ULK4: variants seen among roughly 807,000 people sequenced by gnomAD.
The protein encoded by ULK4 is inactive serine/threonine-protein kinase ULK4.
Under a neutral mutation model 160.6 loss-of-function variants are expected in ULK4, and 133 were observed. The ratio of observed to expected loss-of-function variants is 0.83; its 90% CI spans 0.72 to 0.96. ULK4 has a LOEUF of 0.96. Among genes scored for constraint, ULK4 ranks in the 40% least tolerant of loss-of-function variants. ULK4 has a pLI of 0.00. For synonymous variants in ULK4, 534 were observed against 539.8 expected, an observed-to-expected ratio of 0.99 and a Z score of 0.15; for missense variants, 1,580 against 1,499.5, an observed-to-expected ratio of 1.05 and a Z score of -0.89.
intron 31 of ULK4, among the ~76,000 whole-genome samples, chr3:41,589,934 A>C (rs1402452247): frequency 6.6e-6 from 1 of 152,140 alleles, no homozygotes; most frequent in Non-Finnish European, 1.5e-5. Flanking sequence ...ACACACAATA[A>C]GCTCAAGAGT....
intron 32 of ULK4, among the ~76,000 whole-genome samples, chr3:41,532,676 T>G (rs748531650): frequency 1.3e-5 from 2 of 152,192 alleles, no homozygotes; most frequent in Non-Finnish European, 2.9e-5. Context: ...ATTTATATAT[T>G]GTCTACAGCT....
At chr3:41,958,774 T>C (rs141022525) in intron 1 of ULK4, among the ~76,000 whole-genome samples, 186 of 152,156 alleles carry the variant, frequency 1.2e-3, no homozygotes, top group African/African-American at 4.0e-3. Flanking sequence ...AAGATTGTTC[T>C]AGGAGAGGAA....
chr3:41,417,290 G>A lies in ULK4; in HGVS notation c.3493-19026C>T, dbSNP rs571310512. Among the ~76,000 whole-genome samples the A allele has an allele frequency of 1.7e-3, 264 of 152,292 alleles. 1 individual carries two copies. Among genetic ancestry groups the A allele is most frequent in the African/African-American group, 6.0e-3 (249 of 41,572 alleles). On this transcript the variant is annotated intron_variant, in intron 34 of 36. Transcript: ENST00000301831. ...GATAAGGATGTTGGGGGTCTAGTAA[G>A]GAGAGATCATCAGTGAAACTCTCAG...
intron 35 of ULK4, among the ~76,000 whole-genome samples, chr3:41,340,482 G>A (rs1335197764): frequency 6.6e-6 from 1 of 152,192 alleles, no homozygotes; most frequent in Non-Finnish European, 1.5e-5. Flanking sequence ...GTTCATTTGA[G>A]AAACATCTAC....
intron 35 of ULK4, among the ~76,000 whole-genome samples, chr3:41,265,884 A>C (rs1002970324): frequency 6.6e-6 from 1 of 152,204 alleles, no homozygotes; most frequent in Non-Finnish European, 1.5e-5. Flanking sequence ...CATTCTGCAC[A>C]GCTTGGTGGT....
At chr3:41,918,906 A>C (rs1274630824) in intron 6 of ULK4, among the ~76,000 whole-genome samples, 2 of 152,126 alleles carry the variant, frequency 1.3e-5, no homozygotes, top group Non-Finnish European at 2.9e-5. Flanking sequence ...TGGCCTTGCT[A>C]TCACCAATAA....
intron 29 of ULK4, among the ~76,000 whole-genome samples, chr3:41,667,607 G>A (rs573963375): frequency 1.3e-5 from 2 of 150,736 alleles, no homozygotes; most frequent in South Asian, 4.2e-4. Context: ...GGCCCATTCT[G>A]ATGGACTAGG....
chr3:41,783,540 A>G (rs75250235), intron 21 of ULK4, among the ~76,000 whole-genome samples: 1 of 151,836 alleles, frequency 6.6e-6, no homozygotes, highest in Admixed American at 6.6e-5. Flanking sequence ...TGTCTCAAAA[A>G]AAAAAAAAAG....
At position 41,819,522 on chromosome 3, in the gene ULK4, A is replaced by G. The variant is rs202169543; in HGVS notation, c.1765-16T>C. 134 of 1,048,682 alleles carry G rather than the reference A, an allele frequency of 1.3e-4. 1 individual carries two copies. The African/African-American group carries it at 0.012, about 96-fold the overall frequency. The allele number at this position is 1,048,682 out of a possible 1,614,324, so 65.0% of individuals were successfully genotyped here. A position where few individuals can be genotyped will look rare whatever the true frequency, so the allele number is the denominator to read the frequency against. ...TTTTTTCTTCCTAAAATGAAGTGGGAAAAAAAAAGGCAGTGAAGCTAACAG... is the reference window on the plus strand; with the variant it reads ...TTTTTTCTTCCTAAAATGAAGTGGGGAAAAAAAAGGCAGTGAAGCTAACAG... On this transcript the variant is annotated splice_polypyrimidine_tract_variant and intron_variant, in intron 18 of 36. Transcript: ENST00000301831.
intron 34 of ULK4, among the ~76,000 whole-genome samples, chr3:41,448,475 C>T (rs1175774103): frequency 1.3e-5 from 2 of 152,082 alleles, no homozygotes; most frequent in African/African-American, 4.8e-5. Context: ...AGAAAGGGTC[C>T]AATTATCTAT....
intron 23 of ULK4, among the ~76,000 whole-genome samples, 200 bp from the exon 24 acceptor site, chr3:41,715,768 C>A (rs2037245318): frequency 6.6e-6 from 1 of 151,960 alleles, no homozygotes; most frequent in South Asian, 2.1e-4. Context: ...TCTGCAAAGA[C>A]ACTATAAATA....
intron 17 of ULK4, among the ~76,000 whole-genome samples, chr3:41,836,555 G>C (rs1392598403): frequency 6.6e-6 from 1 of 152,108 alleles, no homozygotes; most frequent in African/African-American, 2.4e-5. Flanking sequence ...AGAGTAAATA[G>C]AGGCTGAGAG....
At chr3:41,656,819 C>T (rs1187495246) in intron 30 of ULK4, among the ~76,000 whole-genome samples, 2 of 151,904 alleles carry the variant, frequency 1.3e-5, no homozygotes, top group African/African-American at 4.8e-5. Context: ...AGAACATAAA[C>T]AATTTTTTTT....
intron 35 of ULK4, among the ~76,000 whole-genome samples, chr3:41,344,690 T>C (rs1172939693): frequency 1.4e-5 from 2 of 148,132 alleles, no homozygotes; most frequent in African/African-American, 5.1e-5. Flanking sequence ...GGGGCAAAGG[T>C]TGCAGTGAGC....
intron 35 of ULK4, among the ~76,000 whole-genome samples, chr3:41,318,307 T>C (rs1371236012): frequency 6.6e-6 from 1 of 152,184 alleles, no homozygotes; most frequent in African/African-American, 2.4e-5. Flanking sequence ...TTTGGTATTT[T>C]AACTTTAAGA....
At chr3:41,644,276 T>C (rs1325513269) in intron 30 of ULK4, among the ~76,000 whole-genome samples, 2 of 151,934 alleles carry the variant, frequency 1.3e-5, no homozygotes, top group Non-Finnish European at 2.9e-5. Context: ...GTGCCAGTTT[T>C]CAAAGGGAAT....
intron 34 of ULK4, among the ~76,000 whole-genome samples, chr3:41,423,222 C>A (rs141065582): frequency 1.5e-3 from 233 of 152,276 alleles, no homozygotes; most frequent in Non-Finnish European, 2.7e-3. Context: ...AGGGGTTACA[C>A]TGGGGGTGGA....
intron 11 of ULK4, among the ~76,000 whole-genome samples, chr3:41,910,864 A>G (rs550097437): frequency 6.6e-6 from 1 of 151,968 alleles, no homozygotes; most frequent in Non-Finnish European, 1.5e-5. Context: ...TTGAGAGGCT[A>G]AAGTGGCAAG....
At chr3:41,609,898 CA>C (rs2032584556) in intron 31 of ULK4, among the ~76,000 whole-genome samples, 1 of 151,640 alleles carries the variant, frequency 6.6e-6, no homozygotes. Flanking sequence ...CACTTGAGCC[CA>C]GGAGTTTGAG....
Sources: allele counts gnomAD v4.1 joint callset (sites outside exome capture counted in the v4.1 genomes callset), GRCh38; gene constraint gnomAD v4.1.1; transcripts MANE v1.5; gene names NCBI Gene and HGNC (gene_info 2026-07-23, HGNC 2026-07-21).